MCTP1: variants seen among roughly 807,000 people sequenced by gnomAD.
MCTP1 encodes the protein multiple C2 and transmembrane domain-containing protein 1.
In MCTP1, 69 loss-of-function variants were observed where a neutral mutation model predicts 120.6. The ratio of observed to expected loss-of-function variants is 0.57; its 90% CI spans 0.47 to 0.70. The LOEUF (loss-of-function observed/expected upper bound fraction) is 0.70, where lower values mean the gene tolerates loss of function less well. MCTP1 is among the 30% of genes least tolerant of loss of function. The pLI is 0.00. For synonymous variants in MCTP1, 529 were observed against 493.1 expected (o/e 1.07, Z -0.96); for missense variants, 1,203 against 1,248.8 (o/e 0.96, Z 0.55).
chr5:94,923,124 C>T (rs1048814416), intron 7 of MCTP1, among the ~76,000 whole-genome samples: 1 of 151,370 alleles, frequency 6.6e-6, no homozygotes, highest in Admixed American at 6.6e-5. Flanking sequence ...ACTTAAGAGA[C>T]ACTACAACAA....
chr5:95,073,623 T>C (rs1378718466), intron 1 of MCTP1, among the ~76,000 whole-genome samples: 1 of 152,034 alleles, frequency 6.6e-6, no homozygotes, highest in Non-Finnish European at 1.5e-5. Context: ...TGCTAGGAGG[T>C]GGGAGCACAC....
At chr5:94,716,865 C>G (rs1360308957) in intron 19 of MCTP1, among the ~76,000 whole-genome samples, 1 of 151,340 alleles carries the variant, frequency 6.6e-6, no homozygotes, top group African/African-American at 2.4e-5. Context: ...GTTTGTTGGA[C>G]AAATAGGTAA....
intron 1 of MCTP1, among the ~76,000 whole-genome samples, chr5:95,249,469 C>A (rs909563068): frequency 6.6e-6 from 1 of 152,062 alleles, no homozygotes; most frequent in Non-Finnish European, 1.5e-5. Flanking sequence ...TACCATCTCA[C>A]GCCAGTTAGA....
intron 1 of MCTP1, among the ~76,000 whole-genome samples, chr5:95,248,257 C>T (rs1480429577): frequency 6.6e-6 from 1 of 152,030 alleles, no homozygotes; most frequent in African/African-American, 2.4e-5. Context: ...ATGACATAAT[C>T]ATATATTTAG....
chr5:95,224,282 T>C (rs1404201419), intron 1 of MCTP1, among the ~76,000 whole-genome samples: 1 of 152,210 alleles, frequency 6.6e-6, no homozygotes, highest in Non-Finnish European at 1.5e-5. Context: ...ATTAGTCTTC[T>C]ACACACCTTC....
At chr5:94,905,033 G>T (rs1281941137) in intron 10 of MCTP1, among the ~76,000 whole-genome samples, 1 of 152,200 alleles carries the variant, frequency 6.6e-6, no homozygotes, top group East Asian at 1.9e-4. Context: ...GCCAAGAAAA[G>T]CAGGTTCAAT....
rs116186787 is a variant in MCTP1 at position 95,155,267 on chromosome 5, A to C, written c.720+128589T>G. ...AATGAAAATTACAGGCATATAGTAGAGGTAGATATTATAAGGAAGGAGAGG... is the reference window on the plus strand; with the variant it reads ...AATGAAAATTACAGGCATATAGTAGCGGTAGATATTATAAGGAAGGAGAGG... On this transcript the variant is annotated intron_variant, in intron 1 of 22. Transcript: ENST00000515393. Among the ~76,000 whole-genome samples the C allele has an allele frequency of 5.0e-3, 766 of 152,300 alleles. 4 individuals carry two copies. Among genetic ancestry groups the C allele is most frequent in the Non-Finnish European group, 8.9e-3 (605 of 68,018 alleles).
intron 18 of MCTP1, among the ~76,000 whole-genome samples, chr5:94,786,531 T>A (rs1177170812): frequency 6.6e-6 from 1 of 152,180 alleles, no homozygotes; most frequent in Non-Finnish European, 1.5e-5. Context: ...CATAAAAGCC[T>A]GAATGAAAAG....
Position 94,705,239 on chromosome 5 carries a change from T to TA in MCTP1, c.*2256_*2257insT, listed in dbSNP as rs1754276653. 1 of 151,490 alleles carries TA rather than the reference T, an allele frequency of 6.6e-6. No homozygotes were observed. The allele number at this position is 151,490 out of a possible 1,614,324, so 9.4% of individuals were successfully genotyped here. A position where few individuals can be genotyped will look rare whatever the true frequency, so the allele number is the denominator to read the frequency against. On this transcript the variant is annotated 3_prime_UTR_variant, in exon 23 of 23. Transcript: ENST00000515393. ...AGGGGAAAGAAATAAATAGTTAAAA[T>TA]TTTAACTATACATATTCTGTTTTCA...
Position 95,186,183 on chromosome 5 carries a change from G to A in MCTP1, c.720+97673C>T, listed in dbSNP as rs114923366. Among the ~76,000 whole-genome samples the A allele has an allele frequency of 1.7e-3, 252 of 150,762 alleles. 2 individuals are homozygous for A. Among genetic ancestry groups the A allele is most frequent in the African/African-American group, 5.9e-3 (242 of 41,040 alleles). On this transcript the variant is annotated intron_variant, in intron 1 of 22. Transcript: ENST00000515393. ...AGAGAAAGAAAAAAAAAGATATTCA[G>A]ACTGGGAAAGAAGAAGTAAACCCAT...
At chr5:94,908,289 A>G (rs1356700433) in intron 10 of MCTP1, among the ~76,000 whole-genome samples, 1 of 152,038 alleles carries the variant, frequency 6.6e-6, no homozygotes, top group Admixed American at 6.5e-5. Flanking sequence ...TACAAGTAAA[A>G]TAGTAAAGGC....
intron 1 of MCTP1, among the ~76,000 whole-genome samples, chr5:95,155,934 C>T (rs1444060777): frequency 6.6e-6 from 1 of 152,140 alleles, no homozygotes; most frequent in Non-Finnish European, 1.5e-5. Flanking sequence ...AGTTTTCTTC[C>T]ACTGGCTTTG....
intron 11 of MCTP1, among the ~76,000 whole-genome samples, chr5:94,889,756 A>ACACACACACACT (rs1413696605): frequency 6.6e-6 from 1 of 150,796 alleles, no homozygotes; most frequent in Non-Finnish European, 1.5e-5. Context: ...TACACCACAC[A>ACACACACACACT]CACACACACA....
chr5:94,752,029 A>G (rs1768485553), intron 19 of MCTP1, among the ~76,000 whole-genome samples: 2 of 148,030 alleles, frequency 1.4e-5, no homozygotes, highest in East Asian at 4.0e-4. Flanking sequence ...TAATGGGTGC[A>G]GCACACCAGC....
intron 17 of MCTP1, among the ~76,000 whole-genome samples, chr5:94,843,422 A>G (rs1791583915): frequency 6.6e-6 from 1 of 152,188 alleles, no homozygotes; most frequent in Admixed American, 6.5e-5. Flanking sequence ...AAAGGGCATC[A>G]GAGGTGATGG....
intron 2 of MCTP1, among the ~76,000 whole-genome samples, chr5:94,974,762 A>C (rs918529059): frequency 1.3e-5 from 2 of 152,098 alleles, no homozygotes; most frequent in African/African-American, 4.8e-5. Context: ...AAACCAAAAA[A>C]ATCTCCTTAT....
At chr5:95,247,603 T>C (rs1370727895) in intron 1 of MCTP1, among the ~76,000 whole-genome samples, 1 of 152,218 alleles carries the variant, frequency 6.6e-6, no homozygotes, top group African/African-American at 2.4e-5. Context: ...TTTGTTCTCA[T>C]TGGTTTCAAA....
At chr5:94,932,335 A>G (rs1337066626) in intron 5 of MCTP1, among the ~76,000 whole-genome samples, 3 of 151,826 alleles carry the variant, frequency 2.0e-5, no homozygotes, top group Non-Finnish European at 4.4e-5. Context: ...GAGGTTGTAC[A>G]TGACTTGAAC....
chr5:95,135,749 T>G (rs1361446633), intron 1 of MCTP1, among the ~76,000 whole-genome samples: 2 of 152,242 alleles, frequency 1.3e-5, no homozygotes, highest in Non-Finnish European at 2.9e-5. Context: ...ATTGTGTTTG[T>G]GTAAGTTAAT....
Sources: allele counts gnomAD v4.1 joint callset (sites outside exome capture counted in the v4.1 genomes callset), GRCh38; gene constraint gnomAD v4.1.1; transcripts MANE v1.5; gene names NCBI Gene and HGNC (gene_info 2026-07-23, HGNC 2026-07-21).